The following PCSK6 variants were observed in gnomAD, a reference collection of about 807,000 sequenced individuals.
The protein encoded by PCSK6 is paired basic amino acid cleaving enzyme 4.
PCSK6 carries 85 observed loss-of-function variants against 123.3 expected under a neutral mutation model. That is an observed-to-expected ratio of 0.69 (90% CI 0.58 to 0.83). The LOEUF is 0.83. Among genes scored for constraint, PCSK6 ranks in the 40% least tolerant of loss-of-function variants. The pLI, the probability that PCSK6 is intolerant of heterozygous loss-of-function variation, is 0.00. For missense variants in PCSK6, 1,191 were observed against 1,282.3 expected (o/e 0.93, Z 1.09); for synonymous variants, 508 against 516.0 (o/e 0.98, Z 0.21).
chr15:101,422,466 G>C (rs2056112319), intron 6 of PCSK6, among the ~76,000 whole-genome samples: 1 of 152,152 alleles, frequency 6.6e-6, no homozygotes, highest in Admixed American at 6.5e-5. Flanking sequence ...GCTTTCCACT[G>C]AAATACCAAA....
In PCSK6 at chr15:101,382,119, C is replaced by T. The variant is rs2041925944; in HGVS notation, c.1505G>A (p.Cys502Tyr). 1 of 1,611,006 alleles carries T rather than the reference C, an allele frequency of 6.2e-7. No homozygotes were observed. The highest frequency in any genetic ancestry group is 1.3e-5 in the African/African-American group (1 of 74,892). ...KWTAVPSQHMCVAASDKRPRS... is the reference protein window; with the variant it reads ...KWTAVPSQHMYVAASDKRPRS... ...GGGTCTCTTGTCCGAGGCGGCCACACACATGTGCTGCGATGGCACTGCTGT... is the reference window on the plus strand; with the variant it reads ...GGGTCTCTTGTCCGAGGCGGCCACATACATGTGCTGCGATGGCACTGCTGT... Residue 502 changes from cysteine to tyrosine, a missense_variant, in exon 11 of 22, where the codon TGT becomes TAT. Physicochemically the swap from Cys to Tyr is radical, Grantham distance 194. Transcript: ENST00000611716.
intron 15 of PCSK6, among the ~76,000 whole-genome samples, chr15:101,329,050 A>G (rs882422): frequency 0.41 from 62,651 of 151,976 alleles, 14,242 homozygotes; most frequent in Non-Finnish European, 0.51. Flanking sequence ...TCCAAGCCCC[A>G]CTGCCTTCTT....
chr15:101,482,397 A>G (rs575460464), intron 1 of PCSK6, among the ~76,000 whole-genome samples: 30 of 152,210 alleles, frequency 2.0e-4, no homozygotes, highest in Non-Finnish European at 4.0e-4. Flanking sequence ...GGAGGAGGCC[A>G]GCCACCCAGG....
intron 13 of PCSK6, among the ~76,000 whole-genome samples, chr15:101,339,902 C>G (rs540745372): frequency 3.2e-4 from 42 of 129,984 alleles, no homozygotes; most frequent in African/African-American, 1.4e-3. Context: ...AGAGCAAGAC[C>G]CTTTCTCAAT....
intron 6 of PCSK6, among the ~76,000 whole-genome samples, chr15:101,413,372 G>C (rs2055773493): frequency 6.6e-6 from 1 of 151,932 alleles, no homozygotes; most frequent in South Asian, 2.1e-4. Flanking sequence ...ACCAAGGGTA[G>C]CCACTAAAAA....
chr15:101,468,913 G>A (rs192033427), intron 1 of PCSK6, among the ~76,000 whole-genome samples: 81 of 152,324 alleles, frequency 5.3e-4, no homozygotes, highest in South Asian at 3.5e-3. Flanking sequence ...TTTTGGCAAT[G>A]ATTGTTGCAA....
rs1026991968 is a variant in PCSK6 at position 101,427,937 on chromosome 15, T to G, written c.778A>C (p.Asn260His). The G allele has an allele frequency of 1.3e-6, 2 of 1,589,090 alleles. No homozygotes were observed. Among genetic ancestry groups the G allele is most frequent in the Non-Finnish European group, 1.7e-6 (2 of 1,167,608 alleles). Residue 260 changes from asparagine (N) to histidine (H), a missense_variant, in exon 6 of 22, where the codon AAT (asparagine) becomes CAT (histidine). By Grantham distance (68) the Asn-to-His change is moderately conservative. Around this residue, in one of 3 missense-constraint regions of PCSK6, gnomAD observed 357 missense variants for 484.5 expected, o/e 0.74. Transcript: ENST00000611716. Reference protein sequence around the residue: ...CAGEVAASANNSYCIVGIAYN... With the variant: ...CAGEVAASANHSYCIVGIAYN... ...GCTATGCCCACGATGCAGTAGGAATTGTTTGCTGAAGCAGCAACTTCTCCC... is the reference window on the plus strand; with the variant it reads ...GCTATGCCCACGATGCAGTAGGAATGGTTTGCTGAAGCAGCAACTTCTCCC...
At chr15:101,388,027 C>A (rs370754428) in intron 9 of PCSK6, among the ~76,000 whole-genome samples, 84 of 152,334 alleles carry the variant, frequency 5.5e-4, no homozygotes, top group African/African-American at 1.9e-3. Flanking sequence ...CACATGCCCA[C>A]TGACCAAGTT....
At chr15:101,441,807 A>G (rs1057409429) in intron 2 of PCSK6, among the ~76,000 whole-genome samples, 1 of 152,218 alleles carries the variant, frequency 6.6e-6, no homozygotes, top group Non-Finnish European at 1.5e-5. Context: ...TCAACAACTC[A>G]AAAGACTTCA....
At chr15:101,481,120 C>T (rs545320252) in intron 1 of PCSK6, among the ~76,000 whole-genome samples, 2 of 152,184 alleles carry the variant, frequency 1.3e-5, no homozygotes, top group Non-Finnish European at 2.9e-5. Flanking sequence ...AGAGAGCAGC[C>T]AGAGGCCTAA....
At chr15:101,365,485 G>C (rs1451598736) in intron 13 of PCSK6, among the ~76,000 whole-genome samples, 4 of 152,172 alleles carry the variant, frequency 2.6e-5, no homozygotes, top group Non-Finnish European at 5.9e-5. Context: ...AGCCAATGTG[G>C]AAGACAGTTT....
At chr15:101,462,098 T>A (rs1415034711) in intron 1 of PCSK6, among the ~76,000 whole-genome samples, 1 of 152,140 alleles carries the variant, frequency 6.6e-6, no homozygotes, top group Non-Finnish European at 1.5e-5. Flanking sequence ...ATGGTTTACA[T>A]AAAAAATAGA....
Position 101,412,691 on chromosome 15 carries a change from T to TTATATATATATATATATATATATA in PCSK6, c.824-14116_824-14115insTATATATATATATATATATATATA, listed in dbSNP as rs149902723. Among the ~76,000 whole-genome samples, 576 of 124,220 alleles carry TTATATATATATATATATATATATA rather than the reference T, an allele frequency of 4.6e-3. 8 individuals carry two copies. Among genetic ancestry groups the TTATATATATATATATATATATATA allele is most frequent in the African/African-American group, 8.7e-3 (249 of 28,676 alleles). The allele number at this position is 124,220 out of a possible 152,430, so 81.5% of individuals were successfully genotyped here. A position where few individuals can be genotyped will look rare whatever the true frequency, so the allele number is the denominator to read the frequency against. On this transcript the variant is annotated intron_variant, in intron 6 of 21. Transcript: ENST00000611716. ...ACAGAAGAAAGAGTGAACTGGAAAA[T>TTATATATATATATATATATATATA]TATATATATATATATATATATAAAA...
At chr15:101,455,964 CA>C (rs1267215547) in intron 1 of PCSK6, among the ~76,000 whole-genome samples, 2 of 152,098 alleles carry the variant, frequency 1.3e-5, no homozygotes, top group Non-Finnish European at 2.9e-5. Context: ...GCTAAGAAGT[CA>C]GGGGACCAGG....
chr15:101,483,634 G>T (rs571331380), intron 1 of PCSK6, among the ~76,000 whole-genome samples: 2 of 152,174 alleles, frequency 1.3e-5, no homozygotes, highest in African/African-American at 4.8e-5. Context: ...AGAATACCTT[G>T]CTGCCATCCT....
intron 13 of PCSK6, among the ~76,000 whole-genome samples, chr15:101,349,725 C>T (rs773644039): frequency 3.9e-5 from 6 of 152,148 alleles, no homozygotes; most frequent in Non-Finnish European, 8.8e-5. Context: ...AGCCCGTCAC[C>T]GGTGCAGCCA....
intron 13 of PCSK6, among the ~76,000 whole-genome samples, chr15:101,361,707 G>A (rs2041228197): frequency 6.6e-6 from 1 of 152,180 alleles, no homozygotes; most frequent in Non-Finnish European, 1.5e-5. Context: ...GGTCATTAAA[G>A]TTAGCAGGGG....
chr15:101,375,804 G>GT (rs2041719611), intron 11 of PCSK6, among the ~76,000 whole-genome samples: 1 of 152,212 alleles, frequency 6.6e-6, no homozygotes, highest in Admixed American at 6.5e-5. Context: ...AGAGGCTGAG[G>GT]TGGGTGAATC....
intron 1 of PCSK6, among the ~76,000 whole-genome samples, chr15:101,488,656 C>T (rs938663849): frequency 2.6e-5 from 4 of 152,240 alleles, no homozygotes; most frequent in Middle Eastern, 3.4e-3. Context: ...TCACACCGCT[C>T]GGCCATCAGA....
Sources: allele counts gnomAD v4.1 joint callset (sites outside exome capture counted in the v4.1 genomes callset), GRCh38; gene constraint gnomAD v4.1.1; regional missense constraint gnomAD v4.1.1; transcripts MANE v1.5; gene names NCBI Gene and HGNC (gene_info 2026-07-23, HGNC 2026-07-21).